AMMECR1: variants seen among roughly 807,000 people sequenced by gnomAD.
The protein encoded by AMMECR1 is AMMECR nuclear protein 1.
Under a neutral mutation model 22.5 loss-of-function variants are expected in AMMECR1, and 3 were observed. The observed-to-expected ratio is 0.13, with a 90% CI of 0.06 to 0.35. The LOEUF (loss-of-function observed/expected upper bound fraction) is 0.35. AMMECR1 is among the 10% of genes least tolerant of loss of function. AMMECR1 has a pLI of 1.00. For missense variants in AMMECR1, 235 were observed against 278.7 expected, an observed-to-expected ratio of 0.84 and a Z score of 1.12; for synonymous variants, 130 against 116.7, an observed-to-expected ratio of 1.11 and a Z score of -0.74.
intron 1 of AMMECR1, among the ~76,000 whole-genome samples, chrX:110,303,616 C>A (rs1007302320): frequency 4.5e-5 from 5 of 112,125 alleles, no homozygotes; most frequent in African/African-American, 1.6e-4. Context: ...TCTACCTCTT[C>A]AACAACTTTT....
At chrX:110,219,272 T>C (rs1209595054) in intron 2 of AMMECR1, 5 of 571,414 alleles carry the variant, frequency 8.8e-6, no homozygotes, top group Non-Finnish European at 1.1e-5. Flanking sequence ...AATGTATGAG[T>C]TCCAGTTTCT....
At chrX:110,212,021 T>C (rs989032985) in intron 3 of AMMECR1, among the ~76,000 whole-genome samples, 3 of 112,162 alleles carry the variant, frequency 2.7e-5, no homozygotes, top group African/African-American at 9.7e-5. Flanking sequence ...TGAAATTAGT[T>C]ACAGCCATTT....
upstream of AMMECR1, among the ~76,000 whole-genome samples, chrX:110,318,496 A>C (rs1339721779): frequency 9.0e-6 from 1 of 110,555 alleles, no homozygotes; most frequent in Non-Finnish European, 1.9e-5. Flanking sequence ...TAGTGGGGGT[A>C]GGGGGGAAGA....
intron 2 of AMMECR1, among the ~76,000 whole-genome samples, chrX:110,350,150 T>C (rs1321268335): frequency 8.9e-6 from 1 of 112,141 alleles, no homozygotes; most frequent in Non-Finnish European, 1.9e-5. Context: ...GAATAAGGTA[T>C]AGGTCTGTCT....
rs188192894 is a variant in AMMECR1, at chrX:110,346,812, G to A, written c.-147-28963C>T. ...CTGCAGACAGAATTGTTTCAAGTCT[G>A]CAGCTGCCTGGGAAACTTTTACGCT... is the stretch of plus-strand genomic sequence containing the variant. On this transcript the variant is annotated intron_variant, in intron 2 of 7. Coordinates refer to the AMMECR1 transcript ENST00000372057. The A allele has an allele frequency of 5.1e-5, 37 of 722,128 alleles. No individual in the cohort carries two copies. The African/African-American group carries it at 6.2e-4, about 12-fold the overall frequency. 59.5% of individuals were successfully genotyped at this position (722,128 alleles called of 1,213,427 possible). A position where few individuals can be genotyped will look rare whatever the true frequency, so the allele number is the denominator to read the frequency against.
intron 2 of AMMECR1, among the ~76,000 whole-genome samples, chrX:110,345,713 C>G (rs1437801779): frequency 9.2e-6 from 1 of 109,105 alleles, no homozygotes; most frequent in Non-Finnish European, 1.9e-5. Flanking sequence ...CCATGTGTTC[C>G]CTGAATCAAA....
intron 2 of AMMECR1, among the ~76,000 whole-genome samples, chrX:110,256,781 T>C (rs181499732): frequency 9.0e-6 from 1 of 111,724 alleles, no homozygotes; most frequent in East Asian, 2.8e-4. Context: ...AAGGGCTTCA[T>C]TTCTTTTGCC....
chrX:110,406,293 T>C (rs1168848163), intron 2 of AMMECR1, among the ~76,000 whole-genome samples: 2 of 107,328 alleles, frequency 1.9e-5, no homozygotes, highest in Non-Finnish European at 3.9e-5. Context: ...TGTGTGATGT[T>C]CCCCTCTCTG....
intron 2 of AMMECR1, among the ~76,000 whole-genome samples, chrX:110,217,411 A>G (rs1373376849): frequency 9.2e-6 from 1 of 108,754 alleles, no homozygotes; most frequent in Non-Finnish European, 1.9e-5. Context: ...GGATCCTGTA[A>G]TCAAGTGTAG....
chrX:110,296,022 T>C (rs2067934076), intron 1 of AMMECR1, among the ~76,000 whole-genome samples: 1 of 112,222 alleles, frequency 8.9e-6, no homozygotes, highest in Admixed American at 9.4e-5. Context: ...GTACTCTTTA[T>C]TTCTGTACAT....
chrX:110,219,457 A>G, intron 2 of AMMECR1: 2 of 753,091 alleles, frequency 2.7e-6, no homozygotes, highest in Non-Finnish European at 3.1e-6. Flanking sequence ...TGTTTAGTTC[A>G]TTTCCTAGCA....
chrX:110,225,106 G>A (rs775392824), intron 2 of AMMECR1: 3 of 363,144 alleles, frequency 8.3e-6, no homozygotes, highest in Non-Finnish European at 1.6e-5. Context: ...AAAAAAGTTT[G>A]AGCACACATC....
intron 2 of AMMECR1, among the ~76,000 whole-genome samples, chrX:110,323,184 A>G (rs2068085661): frequency 8.9e-6 from 1 of 112,201 alleles, no homozygotes; most frequent in Non-Finnish European, 1.9e-5. Context: ...TTCCCATGCT[A>G]CACTCTGCTC....
chrX:110,374,377 A>T (rs1231822685), intron 2 of AMMECR1, among the ~76,000 whole-genome samples: 1 of 112,309 alleles, frequency 8.9e-6, no homozygotes, highest in Non-Finnish European at 1.9e-5. Context: ...TGAGTGAATT[A>T]ATGAGTCTAG....
intron 2 of AMMECR1, among the ~76,000 whole-genome samples, chrX:110,348,903 T>C (rs1174296811): frequency 8.9e-6 from 1 of 112,140 alleles, no homozygotes; most frequent in Non-Finnish European, 1.9e-5. Flanking sequence ...CTTTTCACTT[T>C]TTGTAAAATT....
At chrX:110,229,648 G>T (rs1007072563) in intron 2 of AMMECR1, among the ~76,000 whole-genome samples, 10 of 112,251 alleles carry the variant, frequency 8.9e-5, no homozygotes, top group African/African-American at 3.2e-4. Flanking sequence ...ATCTCATTCG[G>T]ACTGGTTGGA....
intron 2 of AMMECR1, among the ~76,000 whole-genome samples, chrX:110,414,040 G>T (rs2068660048): frequency 8.9e-6 from 1 of 111,845 alleles, no homozygotes. Flanking sequence ...AGTCAGGTCT[G>T]TTTGCTTTCA....
chrX:110,427,006 A>G (rs1483409679), intron 1 of AMMECR1, among the ~76,000 whole-genome samples: 3 of 112,268 alleles, frequency 2.7e-5, no homozygotes, highest in Non-Finnish European at 5.6e-5. Flanking sequence ...CAAGAGTTGT[A>G]GTTCACTCAT....
intron 2 of AMMECR1, among the ~76,000 whole-genome samples, chrX:110,400,941 C>T (rs1196571889): frequency 1.8e-5 from 2 of 112,055 alleles, no homozygotes; most frequent in East Asian, 5.6e-4. Flanking sequence ...TAAATTTGGA[C>T]TCCCTTTTCT....
Sources: allele counts gnomAD v4.1 joint callset (sites outside exome capture counted in the v4.1 genomes callset), GRCh38; gene constraint gnomAD v4.1.1; transcripts MANE v1.5; gene names NCBI Gene and HGNC (gene_info 2026-07-23, HGNC 2026-07-21).